The following ECE1 variants were observed in gnomAD, a reference collection of about 807,000 sequenced individuals.
ECE1 encodes the protein endothelin-converting enzyme 1.
Under a neutral mutation model 98.6 loss-of-function variants are expected in ECE1, and 35 were observed. That is an observed-to-expected ratio of 0.35 (90% confidence interval 0.27 to 0.47). The LOEUF (loss-of-function observed/expected upper bound fraction) is 0.47, where lower values mean the gene tolerates loss of function less well. Ranked by LOEUF, ECE1 falls within the 20% of genes least tolerant of loss-of-function variation. ECE1 has a pLI of 1.00. For missense variants in ECE1, 814 were observed against 1,025.3 expected (o/e 0.79, Z 2.81); for synonymous variants, 394 against 407.1 (o/e 0.97, Z 0.39).
chr1:21,271,969 C>G (rs896598629), intron 4 of ECE1, among the ~76,000 whole-genome samples: 1 of 151,786 alleles, frequency 6.6e-6, no homozygotes, highest in African/African-American at 2.4e-5. Context: ...TGTTCAGTCT[C>G]GATCCCTTTT....
intron 1 of ECE1, among the ~76,000 whole-genome samples, chr1:21,311,462 C>T (rs1487792341): frequency 7.2e-6 from 1 of 139,086 alleles, no homozygotes; most frequent in Admixed American, 7.7e-5. Flanking sequence ...CGCTTGAGAC[C>T]AGCAGTTTGA....
intron 1 of ECE1, among the ~76,000 whole-genome samples, chr1:21,339,634 C>T (rs1639365053): frequency 6.6e-6 from 1 of 152,224 alleles, no homozygotes; most frequent in South Asian, 2.1e-4. Flanking sequence ...ACAGGGGCCT[C>T]GAAGTTGGTG....
chr1:21,291,819 T>C (rs973839404), upstream of ECE1, among the ~76,000 whole-genome samples: 1 of 151,662 alleles, frequency 6.6e-6, no homozygotes, highest in African/African-American at 2.4e-5. Context: ...AGAGTGAGAC[T>C]CCATCTCAAA....
chr1:21,236,681 C>T, intron 12 of ECE1, 65 bp downstream of exon 12: 1 of 1,484,886 alleles, frequency 6.7e-7, no homozygotes. Context: ...GCCTCTCCTT[C>T]CCCCACCCTC....
chr1:21,239,667 G>C (rs1288543770), intron 10 of ECE1, among the ~76,000 whole-genome samples: 1 of 152,208 alleles, frequency 6.6e-6, no homozygotes, highest in Non-Finnish European at 1.5e-5. Context: ...ACCAGCCTTG[G>C]GGGCTGGGGG....
rs761224727 is a variant in ECE1, at chr1:21,217,326, T to A, written c.*2629A>T. On this transcript the variant is annotated 3_prime_UTR_variant, in exon 19 of 19. Transcript: ENST00000374893. ...GTAGCTCAAAACATAATACAAAAAA[T>A]AGATTCCCAGCTCCCAACCCCACGT... 1 of 152,116 alleles carries A rather than the reference T, an allele frequency of 6.6e-6. No individual in the cohort carries two copies. The highest frequency in any genetic ancestry group is 6.6e-5 in the Admixed American group (1 of 15,248). The allele number at this position is 152,116 out of a possible 1,614,324, so 9.4% of individuals were successfully genotyped here. A position where few individuals can be genotyped will look rare whatever the true frequency, so the allele number is the denominator to read the frequency against.
chr1:21,309,823 G>A (rs1277887006), intron 1 of ECE1, among the ~76,000 whole-genome samples: 3 of 132,474 alleles, frequency 2.3e-5, no homozygotes, highest in Non-Finnish European at 3.1e-5. Context: ...ACGGAGTCTC[G>A]CTCTGTCGCC....
At chr1:21,288,018 A>T (rs765459862) in intron 2 of ECE1, among the ~76,000 whole-genome samples, 12 of 152,186 alleles carry the variant, frequency 7.9e-5, no homozygotes, top group Non-Finnish European at 1.3e-4. Flanking sequence ...TGCCTCATAA[A>T]TGGAGATGAA....
chr1:21,313,690 T>C (rs1638774793), intron 1 of ECE1, among the ~76,000 whole-genome samples: 1 of 152,214 alleles, frequency 6.6e-6, no homozygotes, highest in African/African-American at 2.4e-5. Flanking sequence ...TGTAATTTAC[T>C]GCTGTGTGAC....
Position 21,234,384 on chromosome 1 carries a change from C to A in ECE1, c.1567-723G>T, listed in dbSNP as rs545924771. On this transcript the variant is annotated intron_variant, in intron 13 of 18. Transcript: ENST00000374893. ...TTAAATAGCCACCTGTGGCTAGTAGCTACCATACTAGATCTCATAAGTAAA... is the reference window on the plus strand; with the variant it reads ...TTAAATAGCCACCTGTGGCTAGTAGATACCATACTAGATCTCATAAGTAAA... Among the ~76,000 whole-genome samples, 158 of 150,078 alleles carry A rather than the reference C, an allele frequency of 1.1e-3. 1 individual carries two copies. The highest frequency in any genetic ancestry group is 3.6e-3 in the African/African-American group (147 of 40,636).
rs957379719 is a variant in ECE1 at position 21,225,283 on chromosome 1, G to A, written c.2007C>T (p.Ile669=). Residue 669 remains isoleucine, a synonymous_variant, in exon 17 of 19, where the codon ATC becomes ATT. Coordinates refer to ENST00000374893, the MANE Select transcript of ECE1 (RefSeq NM_001397.3). The surrounding 1 kb of genome is among the most constrained non-coding windows in gnomAD (Gnocchi z 5.3). The part of the protein sequence containing the change: ...VNGRHTLGEN[I]ADNGGLKAAY... ...CCGCCTTGAGACCCCCGTTGTCGGC[G>A]ATGTTCTCCCCCAGGGTGTGCCGCC... The A allele has an allele frequency of 2.5e-6, 4 of 1,614,206 alleles. No homozygotes were observed. The highest frequency in any genetic ancestry group is 2.2e-5 in the South Asian group (2 of 91,086).
intron 8 of ECE1, among the ~76,000 whole-genome samples, chr1:21,254,712 C>T (rs956295733): frequency 6.7e-6 from 1 of 148,184 alleles, no homozygotes; most frequent in Non-Finnish European, 1.5e-5. Flanking sequence ...GCCTCCTGGC[C>T]TCAGAGCAGG....
chr1:21,334,283 C>T (rs1257275633), intron 1 of ECE1, among the ~76,000 whole-genome samples: 1 of 152,252 alleles, frequency 6.6e-6, no homozygotes, highest in African/African-American at 2.4e-5. Flanking sequence ...TCTGTGAGCT[C>T]TCATGCCCTC....
At chr1:21,247,560 A>G (rs1390098314) in intron 8 of ECE1, among the ~76,000 whole-genome samples, 197 bp from the exon 9 acceptor site, 1 of 152,174 alleles carries the variant, frequency 6.6e-6, no homozygotes, top group Non-Finnish European at 1.5e-5. Context: ...GGAGTCCAAC[A>G]CCAAAATTTA....
chr1:21,292,861 C>A (rs1224275716), upstream of ECE1, among the ~76,000 whole-genome samples: 1 of 152,204 alleles, frequency 6.6e-6, no homozygotes, highest in Non-Finnish European at 1.5e-5. Flanking sequence ...GCCTCACTCC[C>A]ACTGGGTGGA....
intron 2 of ECE1, 77 bp from the exon 3 acceptor site, chr1:21,279,409 T>A: frequency 6.2e-7 from 1 of 1,610,590 alleles, no homozygotes; most frequent in South Asian, 1.1e-5. Context: ...GGGGTTCCGC[T>A]GCAGGCCCAG....
chr1:21,306,257 C>T lies in ECE1; in HGVS notation c.4-16101G>A, dbSNP rs1005570599. On this transcript the variant is annotated intron_variant, in intron 1 of 18. Coordinates refer to the ECE1 transcript ENST00000415912. ...GACAATAAACAATGTTACTAAGAGT[C>T]GCAATATTAACAATAGCATCTTACA... 4.0e-5 allele frequency among the ~76,000 whole-genome samples: 6 copies of T among 151,646 alleles called. 1 individual carries two copies. Among genetic ancestry groups the T allele is most frequent in the African/African-American group, 1.2e-4 (5 of 41,230 alleles).
intron 1 of ECE1, among the ~76,000 whole-genome samples, chr1:21,296,922 T>C (rs1323203147): frequency 1.3e-5 from 2 of 152,086 alleles, no homozygotes; most frequent in Admixed American, 6.5e-5. Context: ...TGAGGGCCTG[T>C]GCAGGGGAAG....
rs1638983852 is a variant in ECE1, at chr1:21,322,404, A to C, written c.3+22972T>G. ...GTAGCCCTTAGCCCAGCAGACGCCCAGGCAGCCTGGCTGCACAGTTGCCAT... is the reference window on the plus strand; with the variant it reads ...GTAGCCCTTAGCCCAGCAGACGCCCCGGCAGCCTGGCTGCACAGTTGCCAT... On this transcript the variant is annotated intron_variant, in intron 1 of 18. Coordinates refer to the ECE1 transcript ENST00000415912. This position sits in a 1 kb window ranked among gnomAD's most constrained non-coding sequence, Gnocchi z 4.1. Among the ~76,000 whole-genome samples, 3 of 152,224 alleles carry C rather than the reference A, an allele frequency of 2.0e-5. No homozygotes were observed. Among genetic ancestry groups the C allele is most frequent in the African/African-American group, 7.2e-5 (3 of 41,456 alleles).
Sources: allele counts gnomAD v4.1 joint callset (sites outside exome capture counted in the v4.1 genomes callset), GRCh38; gene constraint gnomAD v4.1.1; non-coding constraint Gnocchi (gnomAD v3.1); transcripts MANE v1.5; gene names NCBI Gene and HGNC (gene_info 2026-07-23, HGNC 2026-07-21).